RUNDC3B: variants seen among roughly 807,000 people sequenced by gnomAD.
RUNDC3B encodes RUN domain-containing protein 3B.
A neutral mutation model predicts 58.4 loss-of-function variants in RUNDC3B; 33 were observed. The ratio of observed to expected loss-of-function variants is 0.56; its 90% CI spans 0.43 to 0.75. The LOEUF is 0.75. Among genes scored for constraint, RUNDC3B ranks in the 30% least tolerant of loss-of-function variants. The pLI, the probability that RUNDC3B is intolerant of heterozygous loss-of-function variation, is 0.00. For missense variants in RUNDC3B, 501 were observed against 535.7 expected (o/e 0.94, Z 0.64); for synonymous variants, 193 against 195.2 (o/e 0.99, Z 0.10).
At chr7:87,631,430 T>A (rs976920108) in intron 1 of RUNDC3B, among the ~76,000 whole-genome samples, 13 of 152,200 alleles carry the variant, frequency 8.5e-5, no homozygotes, top group Admixed American at 8.5e-4. Flanking sequence ...TCGCTCTGTC[T>A]CCCAGGCTGG....
chr7:87,765,484 T>C (rs1403245841), intron 6 of RUNDC3B, among the ~76,000 whole-genome samples: 1 of 152,096 alleles, frequency 6.6e-6, no homozygotes, highest in Non-Finnish European at 1.5e-5. Context: ...CCAGAGGTTT[T>C]GGTATATTAT....
At chr7:87,672,090 C>T (rs1210560371) in intron 2 of RUNDC3B, among the ~76,000 whole-genome samples, 1 of 152,108 alleles carries the variant, frequency 6.6e-6, no homozygotes, top group East Asian at 1.9e-4. Flanking sequence ...ATGACTGAGT[C>T]ACCCAGACAG....
At position 87,809,374 on chromosome 7, in the gene RUNDC3B, C is replaced by T. The variant is rs564017658; in HGVS notation, c.1103+1855C>T. 7.9e-4 allele frequency among the ~76,000 whole-genome samples: 120 copies of T among 152,246 alleles called. 2 individuals carry two copies. The highest frequency in any genetic ancestry group is 2.8e-3 in the African/African-American group (118 of 41,548). ...AAAAGTATGCAGCTAGGGTGTTGTACAGAGATCACTTTATCTAGAGTTTAA... is the reference window on the plus strand; with the variant it reads ...AAAAGTATGCAGCTAGGGTGTTGTATAGAGATCACTTTATCTAGAGTTTAA... On this transcript the variant is annotated intron_variant, in intron 9 of 10. Coordinates refer to ENST00000394654, the MANE Select transcript of RUNDC3B (RefSeq NM_001134405.2).
chr7:87,826,944 AC>A (rs1837847799), intron 10 of RUNDC3B, among the ~76,000 whole-genome samples: 1 of 152,234 alleles, frequency 6.6e-6, no homozygotes, highest in East Asian at 1.9e-4. Context: ...GAACTAAAAT[AC>A]AAACCTTCCT....
intron 2 of RUNDC3B, among the ~76,000 whole-genome samples, chr7:87,674,448 G>T (rs935666529): frequency 6.6e-6 from 1 of 152,114 alleles, no homozygotes; most frequent in South Asian, 2.1e-4. Flanking sequence ...GGGAATAATG[G>T]CAGGGTACAC....
chr7:87,793,162 C>G (rs1835620557), intron 8 of RUNDC3B, among the ~76,000 whole-genome samples: 1 of 151,996 alleles, frequency 6.6e-6, no homozygotes, highest in South Asian at 2.1e-4. Context: ...AATCCAAAAC[C>G]TGAACAGATC....
chr7:87,660,236 G>C (rs1312080209), intron 2 of RUNDC3B, among the ~76,000 whole-genome samples: 1 of 152,088 alleles, frequency 6.6e-6, no homozygotes, highest in Non-Finnish European at 1.5e-5. Flanking sequence ...GAGTGTGAGT[G>C]AGTGTATTTG....
chr7:87,814,072 A>G (rs1314366669), intron 9 of RUNDC3B, among the ~76,000 whole-genome samples: 2 of 150,748 alleles, frequency 1.3e-5, no homozygotes, highest in Middle Eastern at 3.2e-3. Flanking sequence ...TTAAACAAGG[A>G]TATTCTTGGA....
chr7:87,692,773 T>A (rs1050792626), intron 2 of RUNDC3B, among the ~76,000 whole-genome samples: 1 of 152,250 alleles, frequency 6.6e-6, no homozygotes, highest in African/African-American at 2.4e-5. Context: ...TTACATTCAA[T>A]GTTGAGAAAT....
At chr7:87,651,921 A>G (rs1346571475) in intron 2 of RUNDC3B, among the ~76,000 whole-genome samples, 1 of 151,912 alleles carries the variant, frequency 6.6e-6, no homozygotes, top group Non-Finnish European at 1.5e-5. Flanking sequence ...TTTCTGTTAA[A>G]TTTGGTTGTT....
At chr7:87,732,043 T>C (rs562787820) in intron 4 of RUNDC3B, among the ~76,000 whole-genome samples, 1 of 152,256 alleles carries the variant, frequency 6.6e-6, no homozygotes, top group African/African-American at 2.4e-5. Flanking sequence ...TCCAAAATTA[T>C]TGAAACTATA....
chr7:87,754,688 C>A (rs1833254098), intron 6 of RUNDC3B, among the ~76,000 whole-genome samples: 1 of 151,842 alleles, frequency 6.6e-6, no homozygotes, highest in Non-Finnish European at 1.5e-5. Context: ...AGGTTCCAAG[C>A]TAGACTAATA....
At chr7:87,748,723 A>G (rs1031680293) in intron 6 of RUNDC3B, among the ~76,000 whole-genome samples, 2 of 152,172 alleles carry the variant, frequency 1.3e-5, no homozygotes, top group Non-Finnish European at 2.9e-5. Flanking sequence ...TCTAAAAAAG[A>G]ACACAGTCCC....
chr7:87,772,734 C>G (rs780430776), intron 7 of RUNDC3B, among the ~76,000 whole-genome samples: 1 of 151,982 alleles, frequency 6.6e-6, no homozygotes, highest in Admixed American at 6.6e-5. Context: ...GAAAAGAGAA[C>G]GCAAAATGCA....
intron 2 of RUNDC3B, among the ~76,000 whole-genome samples, chr7:87,655,260 A>G (rs1370842978): frequency 6.6e-6 from 1 of 152,182 alleles, no homozygotes; most frequent in East Asian, 1.9e-4. Context: ...TCGAAGAGTT[A>G]TCTCTACTCC....
chr7:87,799,885 CAAAAAAAAAAA>C (rs763617668), intron 8 of RUNDC3B, among the ~76,000 whole-genome samples: 4 of 59,320 alleles, frequency 6.7e-5, no homozygotes, highest in African/African-American at 1.7e-4. Context: ...GACTCCGTCT[CAAAAAAAAAAA>C]AAAAAAAAAA....
intron 6 of RUNDC3B, among the ~76,000 whole-genome samples, chr7:87,753,468 G>A (rs1013537957): frequency 2.0e-5 from 3 of 152,136 alleles, no homozygotes; most frequent in Non-Finnish European, 2.9e-5. Context: ...AATGTTGACA[G>A]TGGGGTGTTA....
intron 3 of RUNDC3B, among the ~76,000 whole-genome samples, chr7:87,708,558 A>G (rs1241788054): frequency 6.6e-6 from 1 of 152,166 alleles, no homozygotes; most frequent in Non-Finnish European, 1.5e-5. Flanking sequence ...ATGGGTTTTT[A>G]AGAGTTAATT....
intron 2 of RUNDC3B, among the ~76,000 whole-genome samples, chr7:87,686,117 T>C (rs998357922): frequency 1.3e-5 from 2 of 152,348 alleles, no homozygotes; most frequent in African/African-American, 4.8e-5. Context: ...ACTTGATGTA[T>C]ACTTTCTGCT....
Sources: gnomAD v4.1 joint callset for allele counts (sites outside exome capture counted in the v4.1 genomes callset) on GRCh38, gnomAD v4.1.1 for gene constraint, MANE v1.5 for transcripts, NCBI Gene and HGNC (gene_info 2026-07-23, HGNC 2026-07-21) for gene names.